EFCAB6: variants seen among roughly 807,000 people sequenced by gnomAD.
EFCAB6 encodes the protein EF-hand calcium binding domain 6.
In EFCAB6, 156 loss-of-function variants were observed where a neutral mutation model predicts 169.8. That is an observed-to-expected ratio of 0.92 (90% CI 0.81 to 1.05). The LOEUF (loss-of-function observed/expected upper bound fraction) is 1.05, where lower values mean the gene tolerates loss of function less well. Ranked by LOEUF, EFCAB6 falls within the 50% of genes least tolerant of loss-of-function variation. The pLI, the probability that EFCAB6 is intolerant of heterozygous loss-of-function variation, is 0.00. For synonymous variants in EFCAB6, 698 were observed against 676.4 expected (o/e 1.03, Z -0.50); for missense variants, 1,800 against 1,829.1 (o/e 0.98, Z 0.29).
At chr22:43,722,788 G>T (rs2059585480) in intron 8 of EFCAB6, among the ~76,000 whole-genome samples, 1 of 148,484 alleles carries the variant, frequency 6.7e-6, no homozygotes, top group South Asian at 2.1e-4. Flanking sequence ...CCATAGCAAA[G>T]ACATGGAATA....
chr22:43,614,711 C>T (rs560963981), intron 21 of EFCAB6, among the ~76,000 whole-genome samples: 5 of 152,362 alleles, frequency 3.3e-5, no homozygotes, highest in Middle Eastern at 3.4e-3. Context: ...AGACAGTCCA[C>T]TCCATAGAGT....
rs562494355 is a variant in EFCAB6 at position 43,603,507 on chromosome 22, T to C, written c.2682-3244A>G. On this transcript the variant is annotated intron_variant, in intron 22 of 31. Transcript: ENST00000262726. ...ACAATCAGATTACTCTACCCATTTATTGTGCACACAGCAATTCAGCTATAC... is the reference window on the plus strand; with the variant it reads ...ACAATCAGATTACTCTACCCATTTACTGTGCACACAGCAATTCAGCTATAC... Among the ~76,000 whole-genome samples the C allele has an allele frequency of 3.8e-4, 58 of 152,408 alleles. No individual in the cohort carries two copies. In the South Asian group the frequency reaches 0.011, roughly 30 times the overall value.
chr22:43,739,949 C>T (rs1037653001), intron 6 of EFCAB6, among the ~76,000 whole-genome samples: 1 of 152,128 alleles, frequency 6.6e-6, no homozygotes, highest in African/African-American at 2.4e-5. Flanking sequence ...CTCGCTGTGA[C>T]CCACCAGGCC....
intron 5 of EFCAB6, among the ~76,000 whole-genome samples, chr22:43,756,162 T>C (rs1569472727): frequency 6.6e-6 from 1 of 152,204 alleles, no homozygotes; most frequent in African/African-American, 2.4e-5. Flanking sequence ...TCAACAGCTC[T>C]ATGGATTTGG....
intron 18 of EFCAB6, among the ~76,000 whole-genome samples, chr22:43,632,797 C>T (rs144864018): frequency 1.5e-3 from 234 of 152,332 alleles, no homozygotes; most frequent in African/African-American, 5.3e-3. Flanking sequence ...CTTTCACCCT[C>T]ACAGACCGCA....
chr22:43,632,160 A>G lies in EFCAB6; in HGVS notation c.2177T>C (p.Ile726Thr), dbSNP rs1035675878. 6.2e-7 allele frequency: 1 copy of G among 1,614,194 alleles called. No individual in the cohort carries two copies. The highest frequency in any genetic ancestry group is 1.3e-5 in the African/African-American group (1 of 75,056). Residue 726 changes from isoleucine (I) to threonine (T), a missense_variant, in exon 19 of 32, where the codon ATC becomes ACC. Ile to Thr is a moderately conservative substitution (Grantham distance 89). Transcript: ENST00000262726. Reference protein sequence around the residue: ...PSKSYVNSHFITAEECLKLFP... With the variant: ...PSKSYVNSHFTTAEECLKLFP... ...AAGCTTCAGGCATTCTTCTGCGGTG[A>G]TAAAGTGGCTGTTCACGTAACTTTT...
chr22:43,718,817 G>C (rs899141969), intron 8 of EFCAB6, among the ~76,000 whole-genome samples: 3 of 152,050 alleles, frequency 2.0e-5, no homozygotes, highest in African/African-American at 7.2e-5. Context: ...CAACAAATTT[G>C]GTCTTGGTCT....
In EFCAB6 at chr22:43,632,295, T is replaced by TTTTTC; in HGVS notation, c.2099-58_2099-57insGAAAA. 4.6e-5 allele frequency: 11 copies of TTTTTC among 236,980 alleles called. No homozygotes were observed. The East Asian group carries it at 1.8e-3, about 39-fold the overall frequency. The allele number at this position is 236,980 out of a possible 1,614,324, so 14.7% of individuals were successfully genotyped here. On this transcript the variant is annotated intron_variant, in intron 18 of 31. Transcript: ENST00000262726. ...TAGTGCCCATCAGCTTCATTCCTTC[T>TTTTTC]TTTTTTTTTTTTTTTTTTTTTGAGA...
chr22:43,744,021 GATGA>G lies in EFCAB6; in HGVS notation c.508-8032_508-8029del, dbSNP rs200830766. On this transcript the variant is annotated intron_variant, in intron 6 of 31. Transcript: ENST00000262726. This position sits in a 1 kb window ranked among gnomAD's most constrained non-coding sequence, Gnocchi z 4.3. ...TGAATGAATGGATGAAGGGATGAAT[GATGA>G]ATGAATGAATGAATGAATGGGTTAT... 6.4e-3 allele frequency among the ~76,000 whole-genome samples: 974 copies of G among 151,610 alleles called. 6 individuals are homozygous for G. Among genetic ancestry groups the G allele is most frequent in the African/African-American group, 0.015 (636 of 41,372 alleles).
intron 20 of EFCAB6, among the ~76,000 whole-genome samples, chr22:43,618,165 G>GGAAGGAAGGAAGGAAGGAAGGAAAGAAA (rs1486097443): frequency 5.6e-4 from 38 of 68,230 alleles, no homozygotes; most frequent in Admixed American, 1.3e-3. Flanking sequence ...AAGGAAGGAA[G>GGAAGGAAGGAAGGAAGGAAGGAAAGAAA]GAAAGAAAGA....
At chr22:43,645,635 T>C (rs1347840471) in intron 17 of EFCAB6, among the ~76,000 whole-genome samples, 1 of 152,248 alleles carries the variant, frequency 6.6e-6, no homozygotes, top group African/African-American at 2.4e-5. Context: ...TTCTAAAGTT[T>C]ATTGATACTT....
chr22:43,733,090 G>T (rs572660489), intron 7 of EFCAB6, among the ~76,000 whole-genome samples: 4 of 152,132 alleles, frequency 2.6e-5, no homozygotes, highest in African/African-American at 9.6e-5. Flanking sequence ...GATGACTCTT[G>T]CCTATTGTTT....
chr22:43,534,842 C>T lies in EFCAB6; in HGVS notation c.4079G>A (p.Ser1360Asn), dbSNP rs756773886. The T allele has an allele frequency of 6.2e-7, 1 of 1,607,922 alleles. No homozygotes were observed. The highest frequency in any genetic ancestry group is 8.5e-7 in the Non-Finnish European group (1 of 1,178,490). ...AATGAGCTGCTGACACTCCTCTTTG[C>T]TTATGTCCAGGTTGAATTTCTCCAC... ...ALVEKFNLDI[S>N]KEECQQLIIK... Residue 1360 changes from serine to asparagine, a missense_variant, in exon 30 of 32, where the codon AGC becomes AAC. Ser to Asn is a conservative substitution (Grantham distance 46, BLOSUM62 1). Transcript: ENST00000262726.
chr22:43,756,883 T>A (rs1423260580), intron 5 of EFCAB6, among the ~76,000 whole-genome samples: 1 of 152,130 alleles, frequency 6.6e-6, no homozygotes, highest in African/African-American at 2.4e-5. Flanking sequence ...GCAGCTGGTA[T>A]GAAGCCCTTG....
intron 2 of EFCAB6, among the ~76,000 whole-genome samples, chr22:43,788,364 G>A (rs2062155687): frequency 1.3e-5 from 2 of 152,016 alleles, no homozygotes; most frequent in Admixed American, 6.6e-5. Context: ...GAATATATTA[G>A]GAACTCTTAC....
intron 19 of EFCAB6, among the ~76,000 whole-genome samples, chr22:43,630,489 C>G (rs940594167): frequency 6.6e-6 from 1 of 152,190 alleles, no homozygotes; most frequent in African/African-American, 2.4e-5. Flanking sequence ...AGCTGGGCTT[C>G]CCACGGCCTC....
intron 20 of EFCAB6, among the ~76,000 whole-genome samples, chr22:43,625,805 A>C (rs2054472793): frequency 6.6e-6 from 1 of 152,194 alleles, no homozygotes; most frequent in African/African-American, 2.4e-5. Context: ...TAACATTTGG[A>C]GGTGAAGAGG....
intron 5 of EFCAB6, among the ~76,000 whole-genome samples, chr22:43,764,947 A>G (rs1348696156): frequency 6.6e-6 from 1 of 152,140 alleles, no homozygotes; most frequent in South Asian, 2.1e-4. Flanking sequence ...TTAAAAATGT[A>G]TAAAAACCTA....
rs140722813 is a variant in EFCAB6, at chr22:43,636,008, T to A, written c.1984-792A>T. The stretch of plus-strand genomic sequence containing the variant: ...ATAGAGGCAGATGGAAGGCACCACC[T>A]CTGCTGATCTCAGAGTATTCACAAT... On this transcript the variant is annotated intron_variant, in intron 17 of 31. Coordinates refer to ENST00000262726, the MANE Select transcript of EFCAB6 (RefSeq NM_022785.4). Among the ~76,000 whole-genome samples the A allele has an allele frequency of 4.9e-3, 744 of 152,306 alleles. 6 individuals carry two copies. Among genetic ancestry groups the A allele is most frequent in the African/African-American group, 0.018 (728 of 41,564 alleles).
Sources: allele counts gnomAD v4.1 joint callset (sites outside exome capture counted in the v4.1 genomes callset), GRCh38; gene constraint gnomAD v4.1.1; non-coding constraint Gnocchi (gnomAD v3.1); transcripts MANE v1.5; gene names NCBI Gene and HGNC (gene_info 2026-07-23, HGNC 2026-07-21).